The following ADK variants were observed in gnomAD, a reference collection of about 807,000 sequenced individuals.
The protein encoded by ADK is N6,N6-dimethyladenosine kinase.
ADK carries 24 observed loss-of-function variants against 44.7 expected under a neutral mutation model. The ratio of observed to expected loss-of-function variants is 0.54; its 90% CI spans 0.39 to 0.76. The LOEUF is 0.76. Among genes scored for constraint, ADK ranks in the 30% least tolerant of loss-of-function variants. The pLI is 0.00. For synonymous variants in ADK, 128 were observed against 142.6 expected (o/e 0.90, Z 0.73); for missense variants, 321 against 425.1 (o/e 0.76, Z 2.15).
rs1219316846 is a variant in ADK at position 74,397,359 on chromosome 10, T to C, written c.447-1112T>C. Among the ~76,000 whole-genome samples the C allele has an allele frequency of 3.3e-5, 5 of 151,904 alleles. No individual in the cohort carries two copies. The South Asian group carries it at 6.2e-4, about 19-fold the overall frequency. ...TTACCAAAGTCTGAAATGATAAGAT[T>C]TTTTTTGTAAGCTATAACTGTTACA... On this transcript the variant is annotated intron_variant, in intron 5 of 10. Coordinates refer to ENST00000539909, the MANE Select transcript of ADK (RefSeq NM_006721.4).
intron 10 of ADK, among the ~76,000 whole-genome samples, chr10:74,694,767 C>T (rs1856115465): frequency 1.3e-5 from 2 of 152,232 alleles, no homozygotes; most frequent in Admixed American, 1.3e-4. Flanking sequence ...CAGGCATGAG[C>T]TGCTGTGCCC....
At chr10:74,176,788 G>GC in intron 1 of ADK, 1 of 1,589,724 alleles carries the variant, frequency 6.3e-7, no homozygotes, top group Non-Finnish European at 8.5e-7. Context: ...GAGCCGGGAA[G>GC]CAGTTGCTGT....
chr10:74,428,207 A>C (rs1359463147), intron 6 of ADK, among the ~76,000 whole-genome samples: 1 of 152,180 alleles, frequency 6.6e-6, no homozygotes, highest in Non-Finnish European at 1.5e-5. Context: ...GTTTCTAAAT[A>C]AGCTCACATT....
Position 74,428,429 on chromosome 10 carries a change from A to G in ADK, c.555+29850A>G, listed in dbSNP as rs558061223. On this transcript the variant is annotated intron_variant, in intron 6 of 10. Transcript: ENST00000539909. The stretch of plus-strand genomic sequence containing the variant: ...TAAGTATACAGAATCTAGCTTGAAG[A>G]GTTCCCCACTGGTCAAATCTAGGGC... Among the ~76,000 whole-genome samples, 17 of 152,358 alleles carry G rather than the reference A, an allele frequency of 1.1e-4. 1 individual carries two copies. The South Asian group carries it at 3.5e-3, about 32-fold the overall frequency.
At chr10:74,566,879 A>C (rs1195278499) in intron 7 of ADK, among the ~76,000 whole-genome samples, 1 of 152,224 alleles carries the variant, frequency 6.6e-6, no homozygotes, top group Admixed American at 6.5e-5. Context: ...CAGGTATTTA[A>C]ATCTACTCAC....
chr10:74,368,974 A>G (rs1842578352), intron 4 of ADK, among the ~76,000 whole-genome samples: 1 of 152,158 alleles, frequency 6.6e-6, no homozygotes, highest in Non-Finnish European at 1.5e-5. Flanking sequence ...ATATTGGGCT[A>G]CAGTACTGTA....
At chr10:74,555,206 G>A (rs1444337400) in intron 7 of ADK, among the ~76,000 whole-genome samples, 1 of 152,204 alleles carries the variant, frequency 6.6e-6, no homozygotes, top group Non-Finnish European at 1.5e-5. Context: ...GCTGCAGTGA[G>A]CCATCACCAT....
intron 6 of ADK, among the ~76,000 whole-genome samples, chr10:74,452,023 G>A (rs780478697): frequency 2.1e-4 from 32 of 151,128 alleles, no homozygotes; most frequent in Non-Finnish European, 4.0e-4. Flanking sequence ...ATAACTTCTC[G>A]GTGTATAGAT....
At chr10:74,270,094 ATAAAC>A (rs1846369074) in intron 3 of ADK, among the ~76,000 whole-genome samples, 1 of 152,244 alleles carries the variant, frequency 6.6e-6, no homozygotes, top group Admixed American at 6.5e-5. Flanking sequence ...AAAGTTTTAA[ATAAAC>A]TAAATGGTGA....
intron 9 of ADK, among the ~76,000 whole-genome samples, chr10:74,605,652 T>C (rs1852297107): frequency 6.6e-6 from 1 of 152,238 alleles, no homozygotes; most frequent in African/African-American, 2.4e-5. Context: ...TTGCCAGAAT[T>C]TTATTGAGGA....
intron 6 of ADK, among the ~76,000 whole-genome samples, chr10:74,416,795 G>A (rs1022150616): frequency 2.6e-5 from 4 of 151,716 alleles, no homozygotes; most frequent in Non-Finnish European, 2.9e-5. Flanking sequence ...TTGTATTACA[G>A]AAATAGTAAA....
chr10:74,598,700 C>T (rs1368798074), intron 8 of ADK, among the ~76,000 whole-genome samples: 3 of 152,024 alleles, frequency 2.0e-5, no homozygotes, highest in Non-Finnish European at 2.9e-5. Context: ...CTGCCCTCCT[C>T]GGCCTCCCAA....
intron 3 of ADK, among the ~76,000 whole-genome samples, chr10:74,257,598 T>C (rs1019338496): frequency 6.6e-6 from 1 of 152,204 alleles, no homozygotes; most frequent in Non-Finnish European, 1.5e-5. Context: ...ATAGATACTT[T>C]AGTCTTTCTA....
At chr10:74,432,320 G>C (rs1274066064) in intron 6 of ADK, among the ~76,000 whole-genome samples, 1 of 152,100 alleles carries the variant, frequency 6.6e-6, no homozygotes, top group Non-Finnish European at 1.5e-5. Flanking sequence ...TTCCATATCT[G>C]ATCCTACTTA....
In ADK at chr10:74,660,807, G is replaced by A. The variant is rs182142026; in HGVS notation, c.878-9376G>A. On this transcript the variant is annotated intron_variant, in intron 9 of 10. Transcript: ENST00000539909. ...CCAGCACTTTGGGAGGCCAAGGCAG[G>A]TGGATCATGAGGTCAGGGGTTCGAG... Among the ~76,000 whole-genome samples, 237 of 151,696 alleles carry A rather than the reference G, an allele frequency of 1.6e-3. 2 individuals carry two copies. Among genetic ancestry groups the A allele is most frequent in the African/African-American group, 5.6e-3 (232 of 41,292 alleles).
chr10:74,476,799 C>T (rs1846865526), intron 6 of ADK, among the ~76,000 whole-genome samples: 1 of 152,126 alleles, frequency 6.6e-6, no homozygotes, highest in African/African-American at 2.4e-5. Flanking sequence ...GGTAGTTGGT[C>T]CCTTCCACCT....
At position 74,437,006 on chromosome 10, in the gene ADK, T is replaced by C. The variant is rs955774087; in HGVS notation, c.555+38427T>C. ...AAAAATAAAGGAGGACAGGTAGTGATAAATGCAAAAACAGAAAGTAATGAA... is the reference window on the plus strand; with the variant it reads ...AAAAATAAAGGAGGACAGGTAGTGACAAATGCAAAAACAGAAAGTAATGAA... On this transcript the variant is annotated intron_variant, in intron 6 of 10. Transcript: ENST00000539909. Among the ~76,000 whole-genome samples the C allele has an allele frequency of 4.6e-5, 7 of 152,084 alleles. 1 individual carries two copies. The highest frequency in any genetic ancestry group is 1.7e-4 in the African/African-American group (7 of 41,432).
At chr10:74,615,220 C>T (rs1281086321) in intron 9 of ADK, among the ~76,000 whole-genome samples, 2 of 152,204 alleles carry the variant, frequency 1.3e-5, no homozygotes, top group Non-Finnish European at 2.9e-5. Context: ...CCAATAGTGT[C>T]CAGTCAATAT....
intron 3 of ADK, among the ~76,000 whole-genome samples, chr10:74,280,394 G>A (rs1021607525): frequency 8.2e-6 from 1 of 121,694 alleles, no homozygotes; most frequent in Non-Finnish European, 1.8e-5. Flanking sequence ...GAGCCACCGC[G>A]CCCGGCCTTA....
Sources: gnomAD v4.1 joint callset for allele counts (sites outside exome capture counted in the v4.1 genomes callset) on GRCh38, gnomAD v4.1.1 for gene constraint, MANE v1.5 for transcripts, NCBI Gene and HGNC (gene_info 2026-07-23, HGNC 2026-07-21) for gene names.